The following COL4A5 variants were observed in gnomAD, a reference collection of about 807,000 sequenced individuals.
The protein encoded by COL4A5 is collagen alpha-5(IV) chain.
Under a neutral mutation model 130.2 loss-of-function variants are expected in COL4A5, and 26 were observed. That is an observed-to-expected ratio of 0.20 (90% CI 0.15 to 0.28). COL4A5 has a LOEUF of 0.28. COL4A5 is among the 10% of genes least tolerant of loss of function. COL4A5 has a pLI of 1.00. For missense variants in COL4A5, 1,131 were observed against 1,344.3 expected, an observed-to-expected ratio of 0.84 and a Z score of 2.48; for synonymous variants, 496 against 439.6, an observed-to-expected ratio of 1.13 and a Z score of -1.60.
chrX:108,686,084 G>T lies in COL4A5; in HGVS notation c.4270G>T (p.Gly1424Cys). The T allele has an allele frequency of 4.1e-6, 5 of 1,210,986 alleles. No homozygotes were observed. Among genetic ancestry groups the T allele is most frequent in the Non-Finnish European group, 5.6e-6 (5 of 895,213 alleles). The change falls in exon 48 of 53, where the codon GGT (glycine) becomes TGT (cysteine). Residue 1424 changes from glycine to cysteine, a missense_variant. Gly to Cys is a radical substitution (Grantham distance 159, BLOSUM62 -3). Coordinates refer to ENST00000328300, the MANE Select transcript of COL4A5 (RefSeq NM_033380.3). ...ACGCAATGGACTCCCTGGCTTTGAT[G>T]GTGCAGGAGGGCGCAAAGGAGACCC... is the stretch of plus-strand genomic sequence containing the variant. ...PGRNGLPGFD[G>C]AGGRKGDPGL... is the part of the protein sequence containing the mutation.
At chrX:108,578,442 ATGG>A in intron 13 of COL4A5, 59 bp downstream of exon 13, 1 of 794,844 alleles carries the variant, frequency 1.3e-6, no homozygotes, top group Non-Finnish European at 1.9e-6. Context: ...AATTAGTTTG[ATGG>A]TGGTAATCAC....
At chrX:108,543,064 T>G (rs2038538986) in intron 2 of COL4A5, among the ~76,000 whole-genome samples, 1 of 111,493 alleles carries the variant, frequency 9.0e-6, no homozygotes, top group South Asian at 3.7e-4. Context: ...GGTTGCCTGT[T>G]CACTCTGATA....
At chrX:108,476,036 C>T (rs1452769753) in intron 1 of COL4A5, among the ~76,000 whole-genome samples, 1 of 110,965 alleles carries the variant, frequency 9.0e-6, no homozygotes, top group African/African-American at 3.3e-5. Flanking sequence ...TCATCTAGCC[C>T]AAAACGTCCA....
chrX:108,625,916 T>C lies in COL4A5; in HGVS notation c.3106+122T>C, dbSNP rs1336787706. On this transcript the variant is annotated intron_variant, in intron 35 of 52. Coordinates refer to ENST00000328300, the MANE Select transcript of COL4A5 (RefSeq NM_033380.3). ...CAGACTGAAACGATATCTGAGGTAA[T>C]CAGTGGGTAGTGTTCTCTTGTTACA... is the stretch of plus-strand genomic sequence containing the variant. The C allele has an allele frequency of 5.4e-6, 3 of 556,185 alleles. No homozygotes were observed. In the East Asian group the frequency reaches 1.1e-4, roughly 20 times the overall value. The allele number at this position is 556,185 out of a possible 1,213,427, so 45.8% of individuals were successfully genotyped here.
In COL4A5 at chrX:108,465,605, C is replaced by T. The variant is rs762991453; in HGVS notation, c.81+25399C>T. 5.4e-5 allele frequency among the ~76,000 whole-genome samples: 6 copies of T among 111,692 alleles called. No homozygotes were observed. The South Asian group carries it at 1.5e-3, about 28-fold the overall frequency. On this transcript the variant is annotated intron_variant, in intron 1 of 52. Coordinates refer to ENST00000328300, the MANE Select transcript of COL4A5 (RefSeq NM_033380.3). ...AGCAGAATTCAAAAATTTTATGAAG[C>T]GCAGCTTATCATTTTTTTCTTTGAT...
intron 1 of COL4A5, among the ~76,000 whole-genome samples, chrX:108,515,434 G>C (rs2065211972): frequency 8.9e-6 from 1 of 111,869 alleles, no homozygotes; most frequent in Admixed American, 9.5e-5. Context: ...ATTGGTTGAC[G>C]ATATGCATAT....
At chrX:108,549,710 G>A (rs920731571) in intron 2 of COL4A5, among the ~76,000 whole-genome samples, 1 of 110,354 alleles carries the variant, frequency 9.1e-6, no homozygotes, top group Non-Finnish European at 1.9e-5. Flanking sequence ...TTAAGAGAAT[G>A]AAGGAAATAA....
At chrX:108,635,798 A>G (rs936936804) in intron 36 of COL4A5, among the ~76,000 whole-genome samples, 2 of 112,490 alleles carry the variant, frequency 1.8e-5, no homozygotes, top group Non-Finnish European at 3.8e-5. Context: ...GGAGTTAAGG[A>G]TAGTCTTTTC....
At chrX:108,655,233 G>A in intron 36 of COL4A5, 98 bp from the exon 37 acceptor site, 1 of 982,050 alleles carries the variant, frequency 1.0e-6, no homozygotes, top group Non-Finnish European at 1.4e-6. Context: ...TTACTGGAGT[G>A]CCTGACATAT....
At chrX:108,599,150 G>A (rs1452178383) in intron 25 of COL4A5, among the ~76,000 whole-genome samples, 1 of 111,179 alleles carries the variant, frequency 9.0e-6, no homozygotes, top group Non-Finnish European at 1.9e-5. Flanking sequence ...CACACAGGTA[G>A]CTACCACACA....
chrX:108,445,568 T>C (rs2064444072), intron 1 of COL4A5, among the ~76,000 whole-genome samples: 1 of 112,035 alleles, frequency 8.9e-6, no homozygotes, highest in Admixed American at 9.5e-5. Context: ...CTGTGAAACT[T>C]TCCCTTATTA....
chrX:108,456,710 T>C (rs915388001), intron 1 of COL4A5, among the ~76,000 whole-genome samples: 2 of 111,944 alleles, frequency 1.8e-5, no homozygotes, highest in Non-Finnish European at 3.8e-5. Context: ...ATCGAGGTGG[T>C]CCTTTTTCAT....
At chrX:108,469,239 A>G (rs1442848937) in intron 1 of COL4A5, among the ~76,000 whole-genome samples, 2 of 101,030 alleles carry the variant, frequency 2.0e-5, no homozygotes, top group African/African-American at 3.6e-5. Context: ...CCTGAGCTCA[A>G]AGGATCCTCC....
intron 1 of COL4A5, among the ~76,000 whole-genome samples, chrX:108,503,776 C>A (rs2065101191): frequency 8.9e-6 from 1 of 111,917 alleles, no homozygotes; most frequent in African/African-American, 3.2e-5. Flanking sequence ...AACAATGGTT[C>A]ATGGATTGGA....
chrX:108,622,843 T>C lies in COL4A5; in HGVS notation c.2917+18T>C, dbSNP rs376067886. ...CTTACCAGGTGAGTGAATGAATTTA[T>C]TTATGAATATTTTTCCTGATATATC... On this transcript the variant is annotated intron_variant, in intron 33 of 52. Coordinates refer to ENST00000328300, the MANE Select transcript of COL4A5 (RefSeq NM_033380.3). The C allele has an allele frequency of 6.8e-5, 81 of 1,186,919 alleles. No homozygotes were observed. The African/African-American group carries it at 8.2e-4, about 12-fold the overall frequency.
At chrX:108,545,739 G>A (rs1190466934) in intron 2 of COL4A5, among the ~76,000 whole-genome samples, 3 of 111,127 alleles carry the variant, frequency 2.7e-5, no homozygotes, top group Admixed American at 1.9e-4. Flanking sequence ...TTGTGTGGGA[G>A]TCTAAGTCTC....
chrX:108,650,378 A>T (rs2067700203), intron 36 of COL4A5, among the ~76,000 whole-genome samples: 1 of 111,383 alleles, frequency 9.0e-6, no homozygotes, highest in African/African-American at 3.3e-5. Context: ...TTCCTTAAAG[A>T]ACTAAAAGTA....
At chrX:108,654,359 C>T (rs1476156641) in intron 36 of COL4A5, among the ~76,000 whole-genome samples, 1 of 112,534 alleles carries the variant, frequency 8.9e-6, no homozygotes, top group Admixed American at 9.4e-5. Flanking sequence ...ATATATGAAG[C>T]CATTGTAGAC....
chrX:108,514,830 G>T (rs2065207139), intron 1 of COL4A5, among the ~76,000 whole-genome samples: 1 of 111,676 alleles, frequency 9.0e-6, no homozygotes, highest in African/African-American at 3.2e-5. Flanking sequence ...ATATAGTAAG[G>T]TTGTTACATT....
Sources: gnomAD v4.1 joint callset for allele counts (sites outside exome capture counted in the v4.1 genomes callset) on GRCh38, gnomAD v4.1.1 for gene constraint, MANE v1.5 for transcripts, NCBI Gene and HGNC (gene_info 2026-07-23, HGNC 2026-07-21) for gene names.